Variants in PARD3 observed in about 807,000 individuals in gnomAD.
PARD3 encodes the protein partitioning defective 3 homolog.
PARD3 carries 75 observed loss-of-function variants against 155.4 expected under a neutral mutation model. That is an observed-to-expected ratio of 0.48 (90% CI 0.40 to 0.58). The LOEUF is 0.58. PARD3 is among the 20% of genes least tolerant of loss of function. PARD3 has a pLI of 0.00. For synonymous variants in PARD3, 576 were observed against 610.5 expected, an observed-to-expected ratio of 0.94 and a Z score of 0.83; for missense variants, 1,642 against 1,721.7, an observed-to-expected ratio of 0.95 and a Z score of 0.82.
chr10:34,701,544 A>G (rs905876281), intron 1 of PARD3, among the ~76,000 whole-genome samples: 2 of 152,210 alleles, frequency 1.3e-5, no homozygotes, highest in African/African-American at 4.8e-5. Context: ...CTTCCCCAAC[A>G]GAGCCGGTAA....
intron 22 of PARD3, among the ~76,000 whole-genome samples, chr10:34,220,478 C>A (rs994686964): frequency 6.6e-6 from 1 of 152,146 alleles, no homozygotes; most frequent in Non-Finnish European, 1.5e-5. Context: ...TTTACCTGTG[C>A]GATTTTGTGC....
intron 22 of PARD3, among the ~76,000 whole-genome samples, chr10:34,207,330 T>C (rs78100961): frequency 0.03 from 4,550 of 152,280 alleles, 232 homozygotes; most frequent in African/African-American, 0.11. Flanking sequence ...AGCAAGTGTT[T>C]TCAATAAGCA....
intron 2 of PARD3, among the ~76,000 whole-genome samples, chr10:34,557,509 G>A (rs1158349096): frequency 6.6e-6 from 1 of 151,938 alleles, no homozygotes; most frequent in Non-Finnish European, 1.5e-5. Context: ...GATGGAGTTC[G>A]CTCTTGTTGC....
intron 20 of PARD3, among the ~76,000 whole-genome samples, chr10:34,304,093 G>C (rs1320604996): frequency 6.6e-6 from 1 of 152,136 alleles, no homozygotes; most frequent in Non-Finnish European, 1.5e-5. Context: ...TTTGTGTTCT[G>C]GAGCAGGGAT....
At chr10:34,315,486 G>A (rs924288716) in intron 20 of PARD3, among the ~76,000 whole-genome samples, 2 of 152,314 alleles carry the variant, frequency 1.3e-5, no homozygotes, top group South Asian at 2.1e-4. Flanking sequence ...TCAGTAAGAC[G>A]TCAGGAGAGC....
At chr10:34,741,279 G>A (rs1489640301) in intron 1 of PARD3, among the ~76,000 whole-genome samples, 1 of 146,310 alleles carries the variant, frequency 6.8e-6, no homozygotes, top group East Asian at 2.1e-4. Flanking sequence ...CAACTTCCTG[G>A]GCTCAAGTGA....
At chr10:34,501,655 C>T (rs1274330268) in intron 3 of PARD3, among the ~76,000 whole-genome samples, 3 of 151,954 alleles carry the variant, frequency 2.0e-5, no homozygotes, top group African/African-American at 4.8e-5. Context: ...TTGTAAAGTG[C>T]GTTATTTTCA....
At chr10:34,308,532 C>A (rs1957530174) in intron 20 of PARD3, among the ~76,000 whole-genome samples, 2 of 152,158 alleles carry the variant, frequency 1.3e-5, no homozygotes, top group South Asian at 4.1e-4. Context: ...AGCTTTGGAT[C>A]TAACCAACTG....
At chr10:34,672,562 A>C (rs145965747) in intron 2 of PARD3, among the ~76,000 whole-genome samples, 67 of 152,316 alleles carry the variant, frequency 4.4e-4, no homozygotes, top group Admixed American at 2.0e-3. Context: ...TCATGCCTGT[A>C]ATCCCAGCAC....
intron 7 of PARD3, among the ~76,000 whole-genome samples, chr10:34,397,096 A>G (rs1843418049): frequency 6.6e-6 from 1 of 152,202 alleles, no homozygotes; most frequent in South Asian, 2.1e-4. Context: ...AGCACCTAAC[A>G]CAGGGATTGT....
chr10:34,681,848 T>C (rs573630627), intron 2 of PARD3, among the ~76,000 whole-genome samples: 171 of 130,738 alleles, frequency 1.3e-3, no homozygotes, highest in African/African-American at 4.8e-3. Flanking sequence ...CTCAAACTCC[T>C]GGGCTCAAGC....
intron 22 of PARD3, among the ~76,000 whole-genome samples, chr10:34,172,046 C>G (rs774551827): frequency 1.4e-5 from 2 of 147,450 alleles, no homozygotes; most frequent in Non-Finnish European, 3.0e-5. Flanking sequence ...CTTCCCATTT[C>G]TCTTTTTCCC....
At chr10:34,432,352 AC>A (rs1407204908) in intron 5 of PARD3, among the ~76,000 whole-genome samples, 3 of 145,240 alleles carry the variant, frequency 2.1e-5, no homozygotes, top group Non-Finnish European at 4.5e-5. Flanking sequence ...ACACACACAC[AC>A]ACACACACAC....
intron 2 of PARD3, among the ~76,000 whole-genome samples, chr10:34,606,821 G>A (rs1485695178): frequency 1.3e-5 from 2 of 151,720 alleles, no homozygotes; most frequent in East Asian, 3.9e-4. Context: ...ACAAAAATTA[G>A]CTGGGCATGG....
chr10:34,711,136 T>C (rs1047574579), intron 1 of PARD3, among the ~76,000 whole-genome samples: 3 of 152,028 alleles, frequency 2.0e-5, no homozygotes, highest in Non-Finnish European at 4.4e-5. Context: ...AAGATTGCAT[T>C]GCCACACTCC....
intron 4 of PARD3, among the ~76,000 whole-genome samples, chr10:34,464,104 C>T (rs2077853856): frequency 7.1e-6 from 1 of 139,936 alleles, no homozygotes; most frequent in South Asian, 2.3e-4. Context: ...TTCAGCTAGA[C>T]CCGAGGTCCT....
intron 2 of PARD3, among the ~76,000 whole-genome samples, chr10:34,557,915 G>A (rs1202363052): frequency 6.7e-6 from 1 of 150,218 alleles, no homozygotes; most frequent in Admixed American, 6.6e-5. Context: ...GCCAGCCTGG[G>A]TGACAGTGTG....
At chr10:34,417,879 T>C (rs1845822175) in intron 5 of PARD3, among the ~76,000 whole-genome samples, 1 of 152,146 alleles carries the variant, frequency 6.6e-6, no homozygotes, top group Non-Finnish European at 1.5e-5. Context: ...AAAGTTCCTC[T>C]TTCAGAGTCT....
intron 1 of PARD3, among the ~76,000 whole-genome samples, chr10:34,747,247 T>C (rs961780123): frequency 6.6e-6 from 1 of 152,184 alleles, no homozygotes; most frequent in Non-Finnish European, 1.5e-5. Context: ...GAATATCATT[T>C]GAGCCACGAT....
Sources: allele counts gnomAD v4.1 joint callset (sites outside exome capture counted in the v4.1 genomes callset), GRCh38; gene constraint gnomAD v4.1.1; transcripts MANE v1.5; gene names NCBI Gene and HGNC (gene_info 2026-07-23, HGNC 2026-07-21).